LHX2: variants seen among roughly 807,000 people sequenced by gnomAD.
LHX2 encodes LIM/homeobox protein Lhx2.
LHX2 carries 6 observed loss-of-function variants against 33.0 expected under a neutral mutation model. That is an observed-to-expected ratio of 0.18 (90% CI 0.10 to 0.36). The LOEUF is 0.36. Ranked by LOEUF, LHX2 falls within the 10% of genes least tolerant of loss-of-function variation. LHX2 has a pLI of 1.00. For synonymous variants in LHX2, 292 were observed against 253.1 expected (o/e 1.15, Z -1.46); for missense variants, 442 against 586.2 (o/e 0.75, Z 2.54).
At chr9:124,026,703 T>G (rs1356059734) in intron 4 of LHX2, among the ~76,000 whole-genome samples, 4 of 152,230 alleles carry the variant, frequency 2.6e-5, no homozygotes, top group Non-Finnish European at 4.4e-5. Flanking sequence ...AGACTCAACT[T>G]TGTCTAATCT....
At chr9:124,019,209 G>A (rs2118760158) in intron 3 of LHX2, among the ~76,000 whole-genome samples, 1 of 152,328 alleles carries the variant, frequency 6.6e-6, no homozygotes, top group South Asian at 2.1e-4. Context: ...GAGGGGACCT[G>A]AGTGCCGGTG....
At position 124,015,125 on chromosome 9, in the gene LHX2, C is replaced by T; in HGVS notation, c.327C>T (p.Arg109=). 1 of 1,612,640 alleles carries T rather than the reference C, an allele frequency of 6.2e-7. No homozygotes were observed. Residue 109 remains arginine, a synonymous_variant, in exon 3 of 5, where the codon CGC becomes CGT. Coordinates refer to ENST00000373615, the MANE Select transcript of LHX2 (RefSeq NM_004789.4). The surrounding 1 kb of genome is among the most constrained non-coding windows in gnomAD (Gnocchi z 7.9). Reference sequence around the variant, plus strand: ...CCTCCCTCCATGGTCCCTACAGGCGCTTCTCTGTGCAGCGCTGCGCCCGCT... The same window carrying T: ...CCTCCCTCCATGGTCCCTACAGGCGTTTCTCTGTGCAGCGCTGCGCCCGCT... ...SIYCKEDYYR[R]FSVQRCARCH...
chr9:124,013,907 AGGGGCCGCTGGC>A, intron 1 of LHX2, 42 bp from the exon 2 acceptor site: 1 of 1,559,446 alleles, frequency 6.4e-7, no homozygotes, highest in Non-Finnish European at 8.8e-7. Context: ...CCGGCGGCGG[AGGGGCCGCTGGC>A]TGACGCAGGC....
chr9:124,021,217 G>A lies in LHX2; in HGVS notation c.846G>A (p.Lys282=), dbSNP rs1054130656. 2.0e-5 allele frequency: 32 copies of A among 1,614,252 alleles called. No individual in the cohort carries two copies. The highest frequency in any genetic ancestry group is 2.5e-5 in the Non-Finnish European group (30 of 1,180,046). The part of the protein sequence containing the change: ...SFKHHQLRTM[K]SYFAINHNPD... ...AGCACCACCAGCTTCGGACCATGAA[G>A]TCTTACTTTGCCATTAACCACAACC... is the stretch of plus-strand genomic sequence containing the variant. Residue 282 remains lysine (K), a synonymous_variant, in exon 4 of 5, where the codon AAG becomes AAA. Transcript: ENST00000373615.
chr9:124,024,771 C>T (rs1344868586), intron 4 of LHX2, among the ~76,000 whole-genome samples: 2 of 152,202 alleles, frequency 1.3e-5, no homozygotes, highest in Admixed American at 6.5e-5. Flanking sequence ...CTTCATTTTG[C>T]AGATGATGAA....
At chr9:124,028,846 G>T (rs1047654232) in intron 4 of LHX2, among the ~76,000 whole-genome samples, 4 of 152,176 alleles carry the variant, frequency 2.6e-5, no homozygotes, top group African/African-American at 4.8e-5. Flanking sequence ...GGTGGCTCAT[G>T]CCTATAATCC....
Position 124,014,158 on chromosome 9 carries a change from C to CTACAGG in LHX2, c.321_323+3dup. ...GTAGCATCTACTGCAAGGAAGACTA[C>CTACAGG]TACAGGTAGCCCCCCCACCCAACTG... On this transcript the variant is annotated inframe_insertion, in exon 2 of 5. Transcript: ENST00000373615. This position sits in a 1 kb window ranked among gnomAD's most constrained non-coding sequence, Gnocchi z 4.8. 6.2e-7 allele frequency: 1 copy of CTACAGG among 1,611,460 alleles called. No homozygotes were observed. Among genetic ancestry groups the CTACAGG allele is most frequent in the Non-Finnish European group, 8.5e-7 (1 of 1,179,140 alleles).
At chr9:124,029,115 A>AAATAAT (rs371060108) in intron 4 of LHX2, among the ~76,000 whole-genome samples, 1,600 of 151,292 alleles carry the variant, frequency 0.011, 31 homozygotes, top group African/African-American at 0.037. Context: ...CTGTCTCAAA[A>AAATAAT]AATAATAATA....
Position 124,015,009 on chromosome 9 carries a change from T to G in LHX2, c.324-113T>G. 2 of 1,195,926 alleles carry G rather than the reference T, an allele frequency of 1.7e-6. No homozygotes were observed. Among genetic ancestry groups the G allele is most frequent in the Non-Finnish European group, 2.4e-6 (2 of 847,456 alleles). 74.1% of individuals were successfully genotyped at this position (1,195,926 alleles called of 1,614,324 possible). ...CCCCATCCTCCAAATAAAGGCCGGGTTGTTCGTCTTGAGGAGGGGATTGCC... is the reference window on the plus strand; with the variant it reads ...CCCCATCCTCCAAATAAAGGCCGGGGTGTTCGTCTTGAGGAGGGGATTGCC... On this transcript the variant is annotated intron_variant, in intron 2 of 4. Coordinates refer to ENST00000373615, the MANE Select transcript of LHX2 (RefSeq NM_004789.4). This position sits in a 1 kb window ranked among gnomAD's most constrained non-coding sequence, Gnocchi z 7.9.
Position 124,012,571 on chromosome 9 carries a change from G to T in LHX2, c.120+103G>T. The T allele has an allele frequency of 7.7e-7, 1 of 1,298,698 alleles. No individual in the cohort carries two copies. The highest frequency in any genetic ancestry group is 2.4e-4 in the Middle Eastern group (1 of 4,206). The allele number at this position is 1,298,698 out of a possible 1,614,324, so 80.4% of individuals were successfully genotyped here. The stretch of plus-strand genomic sequence containing the variant: ...TGGGGAGCGTCCTTCGTGCCGCACG[G>T]GACTGGGTGCTGGGGATCCTCGGTC... On this transcript the variant is annotated intron_variant, in intron 1 of 4. Coordinates refer to ENST00000373615, the MANE Select transcript of LHX2 (RefSeq NM_004789.4). The surrounding 1 kb of genome is among the most constrained non-coding windows in gnomAD (Gnocchi z 4.3).
At position 124,032,026 on chromosome 9, in the gene LHX2, G is replaced by A; in HGVS notation, c.934-394G>A. ...AGGCAGGAGGGATCACTTGAAGCCT[G>A]GAGTTTGAGACCAGCCTGGTCAACA... On this transcript the variant is annotated intron_variant, in intron 4 of 4. Transcript: ENST00000373615. This position sits in a 1 kb window ranked among gnomAD's most constrained non-coding sequence, Gnocchi z 4.1. 1 of 165,958 alleles carries A rather than the reference G, an allele frequency of 6.0e-6. No individual in the cohort carries two copies. The highest frequency in any genetic ancestry group is 1.3e-5 in the Non-Finnish European group (1 of 77,618). 10.3% of individuals were successfully genotyped at this position (165,958 alleles called of 1,614,324 possible). A position where few individuals can be genotyped will look rare whatever the true frequency, so the allele number is the denominator to read the frequency against.
chr9:124,021,906 T>A (rs1859299969), intron 4 of LHX2: 1 of 136,718 alleles, frequency 7.3e-6, no homozygotes, highest in South Asian at 2.7e-4. Context: ...ATTCCCTGGG[T>A]GGGCAGGTGG....
rs1828711203 is a variant in LHX2 at position 124,032,224 on chromosome 9, C to T, written c.934-196C>T. On this transcript the variant is annotated intron_variant, in intron 4 of 4. Coordinates refer to ENST00000373615, the MANE Select transcript of LHX2 (RefSeq NM_004789.4). The surrounding 1 kb of genome is among the most constrained non-coding windows in gnomAD (Gnocchi z 4.1). The stretch of plus-strand genomic sequence containing the variant: ...GTCACTGCACTTCAGCCTGGGGGAC[C>T]AAGCCAGACCCTGTCTGCAAACAAA... 1 of 577,408 alleles carries T rather than the reference C, an allele frequency of 1.7e-6. No homozygotes were observed. The highest frequency in any genetic ancestry group is 4.6e-4 in the Middle Eastern group (1 of 2,156). 35.8% of individuals were successfully genotyped at this position (577,408 alleles called of 1,614,324 possible).
chr9:124,021,443 C>T (rs1859291626), intron 4 of LHX2, 139 bp downstream of exon 4: 1 of 695,908 alleles, frequency 1.4e-6, no homozygotes. Flanking sequence ...CATTCTCTTT[C>T]TTCACCTCTC....
intron 4 of LHX2, among the ~76,000 whole-genome samples, chr9:124,027,906 T>TA (rs568934209): frequency 2.5e-4 from 38 of 152,168 alleles, no homozygotes; most frequent in South Asian, 1.2e-3. Context: ...GGCATAGTTT[T>TA]TTTTTATCCT....
At chr9:124,013,782 G>T (rs1859133288) in intron 1 of LHX2, among the ~76,000 whole-genome samples, 179 bp from the exon 2 acceptor site, 1 of 152,224 alleles carries the variant, frequency 6.6e-6, no homozygotes. Context: ...GTTCTGAACC[G>T]CCCAGAAATG....
At chr9:124,024,335 T>A (rs1256376251) in intron 4 of LHX2, among the ~76,000 whole-genome samples, 2 of 152,284 alleles carry the variant, frequency 1.3e-5, no homozygotes, top group African/African-American at 4.8e-5. Flanking sequence ...TGAGGTGATT[T>A]GCTGCTGGAT....
rs1564548216 is a variant in LHX2 at position 124,013,986 on chromosome 9, G to C, written c.146G>C (p.Arg49Pro). The C allele has an allele frequency of 6.2e-7, 1 of 1,613,128 alleles. No homozygotes were observed. The highest frequency in any genetic ancestry group is 8.5e-7 in the Non-Finnish European group (1 of 1,179,968). The change falls in exon 2 of 5, where the codon CGC becomes CCC. Residue 49 changes from arginine to proline, a missense_variant. This residue lies in a region of LHX2 where 97 missense variants were observed against 81.5 expected (regional missense o/e 1.19). Coordinates refer to ENST00000373615, the MANE Select transcript of LHX2 (RefSeq NM_004789.4). ...ACCATGCCGTCCATCAGCAGTGACC[G>C]CGCCGCGCTGTGCGCCGGCTGCGGG... ...ETTMPSISSD[R>P]AALCAGCGGK... is the part of the protein sequence containing the mutation.
At position 124,033,122 on chromosome 9, in the gene LHX2, AAAC is replaced by A. The variant is rs1828722696; in HGVS notation, c.*421_*423del. The stretch of plus-strand genomic sequence containing the variant: ...AGAGCAAAAATGTAAAAAACAAAAA[AAAC>A]AACAAAAAAAGTTTGTTACTTTGAA... On this transcript the variant is annotated 3_prime_UTR_variant, in exon 5 of 5. Coordinates refer to ENST00000373615, the MANE Select transcript of LHX2 (RefSeq NM_004789.4). The A allele has an allele frequency of 6.4e-6, 1 of 156,714 alleles. No individual in the cohort carries two copies. Among genetic ancestry groups the A allele is most frequent in the Admixed American group, 6.5e-5 (1 of 15,362 alleles). 9.7% of individuals were successfully genotyped at this position (156,714 alleles called of 1,614,324 possible).
Sources: allele counts gnomAD v4.1 joint callset (sites outside exome capture counted in the v4.1 genomes callset), GRCh38; gene constraint gnomAD v4.1.1; regional missense constraint gnomAD v4.1.1; non-coding constraint Gnocchi (gnomAD v3.1); transcripts MANE v1.5; gene names NCBI Gene and HGNC (gene_info 2026-07-23, HGNC 2026-07-21).